Variants in UBR3 observed in about 807,000 individuals in gnomAD.
UBR3 encodes E3 ubiquitin-protein ligase UBR3.
UBR3 carries 85 observed loss-of-function variants against 243.2 expected under a neutral mutation model. That is an observed-to-expected ratio of 0.35 (90% CI 0.29 to 0.42). The LOEUF is 0.42. Among genes scored for constraint, UBR3 ranks in the 10% least tolerant of loss-of-function variants. The pLI is 1.00. For missense variants in UBR3, 1,686 were observed against 2,300.8 expected (o/e 0.73, Z 5.47); for synonymous variants, 748 against 799.8 (o/e 0.94, Z 1.09).
In UBR3 at chr2:170,008,272, G is replaced by A. The variant is rs545981447; in HGVS notation, c.4231-532G>A. On this transcript the variant is annotated intron_variant, in intron 28 of 38. Coordinates refer to ENST00000272793, the MANE Select transcript of UBR3 (RefSeq NM_172070.4). ...TTTATGTAGTAAATTTGTGAAAATT[G>A]TGAATATTTGACTTTTGAAACAGAA... 7.2e-5 allele frequency among the ~76,000 whole-genome samples: 11 copies of A among 152,286 alleles called. No individual in the cohort carries two copies. In the South Asian group the frequency reaches 2.3e-3, roughly 32 times the overall value.
At chr2:170,069,562 G>A (rs2091652576) in intron 35 of UBR3, among the ~76,000 whole-genome samples, 2 of 151,974 alleles carry the variant, frequency 1.3e-5, no homozygotes, top group South Asian at 4.1e-4. Flanking sequence ...TTATAACAGA[G>A]TTTGTACCCT....
Position 169,872,229 on chromosome 2 carries a change from AT to A in UBR3, c.546-5del, listed in dbSNP as rs756204191. On this transcript the variant is annotated splice_polypyrimidine_tract_variant and splice_region_variant and intron_variant, in intron 1 of 38. Coordinates refer to ENST00000272793, the MANE Select transcript of UBR3 (RefSeq NM_172070.4). ...TACTGTTAATTTTTTTCTTTTTCAT[AT>A]TACAGGTTTTGCAAAAGGCATCAAA... 6.7e-7 allele frequency: 1 copy of A among 1,503,626 alleles called. No individual in the cohort carries two copies. Among genetic ancestry groups the A allele is most frequent in the Non-Finnish European group, 8.9e-7 (1 of 1,124,702 alleles). 93.1% of individuals were successfully genotyped at this position (1,503,626 alleles called of 1,614,324 possible). A position where few individuals can be genotyped will look rare whatever the true frequency, so the allele number is the denominator to read the frequency against.
At chr2:169,971,250 G>A (rs9752315) in intron 24 of UBR3, among the ~76,000 whole-genome samples, 14,600 of 150,394 alleles carry the variant, frequency 0.097, 847 homozygotes, top group African/African-American at 0.16. Context: ...AGTAGGTTGC[G>A]AAAATTTTCT....
chr2:169,956,247 G>A (rs930799413), intron 23 of UBR3, among the ~76,000 whole-genome samples: 1 of 127,122 alleles, frequency 7.9e-6, no homozygotes, highest in Non-Finnish European at 1.6e-5. Flanking sequence ...TATCTATCTG[G>A]ATAGATATAT....
At chr2:169,972,027 A>G (rs1337218000) in intron 24 of UBR3, among the ~76,000 whole-genome samples, 1 of 152,192 alleles carries the variant, frequency 6.6e-6, no homozygotes, top group Non-Finnish European at 1.5e-5. Flanking sequence ...AGCAAGACTA[A>G]TAAAGAAGAA....
chr2:169,965,870 G>GT (rs1429200626), intron 24 of UBR3, among the ~76,000 whole-genome samples: 1 of 152,204 alleles, frequency 6.6e-6, no homozygotes, highest in East Asian at 1.9e-4. Context: ...TACTGTAGTT[G>GT]CTCCTTTTTA....
chr2:169,884,178 C>T (rs370327256), intron 5 of UBR3, among the ~76,000 whole-genome samples: 14 of 139,564 alleles, frequency 1.0e-4, no homozygotes, highest in African/African-American at 3.0e-4. Flanking sequence ...TTTTTTGAGA[C>T]GGAGTCTTGC....
chr2:169,895,223 A>G lies in UBR3; in HGVS notation c.1148A>G (p.Glu383Gly). 2 of 1,539,014 alleles carry G rather than the reference A, an allele frequency of 1.3e-6. No homozygotes were observed. Among genetic ancestry groups the G allele is most frequent in the Non-Finnish European group, 1.7e-6 (2 of 1,143,968 alleles). Residue 383 changes from glutamate to glycine, a missense_variant, in exon 7 of 39, where the codon GAA becomes GGA. Coordinates refer to ENST00000272793, the MANE Select transcript of UBR3 (RefSeq NM_172070.4). ...MDVLKHKSFL[E>G]ELLFWTIKYE... ...GTTTTGAAGCATAAAAGCTTCCTAG[A>G]AGAACTATTATTTTGGACTATAAAA... is the stretch of plus-strand genomic sequence containing the variant.
At chr2:169,845,347 T>G (rs536891903) in intron 1 of UBR3, among the ~76,000 whole-genome samples, 1 of 149,350 alleles carries the variant, frequency 6.7e-6, no homozygotes, top group African/African-American at 2.5e-5. Flanking sequence ...TACTTGAGTC[T>G]GGGATATAGA....
chr2:169,910,931 T>C (rs1007356207), intron 10 of UBR3, among the ~76,000 whole-genome samples: 7 of 152,172 alleles, frequency 4.6e-5, no homozygotes, highest in Non-Finnish European at 8.8e-5. Flanking sequence ...GGTTTAGAAG[T>C]ATAAACTAGA....
chr2:169,881,962 A>ATGTATG (rs1382738573), intron 5 of UBR3, among the ~76,000 whole-genome samples: 5 of 99,268 alleles, frequency 5.0e-5, no homozygotes, highest in African/African-American at 1.7e-4. Flanking sequence ...ATGTATACAT[A>ATGTATG]CATATGTAAT....
intron 24 of UBR3, among the ~76,000 whole-genome samples, chr2:169,978,575 T>C (rs2105382096): frequency 6.6e-6 from 1 of 152,170 alleles, no homozygotes; most frequent in South Asian, 2.1e-4. Flanking sequence ...GTAGCAGCCA[T>C]GTCCCTGGGG....
At chr2:170,011,626 CT>C (rs35877456) in intron 29 of UBR3, among the ~76,000 whole-genome samples, 42,314 of 122,966 alleles carry the variant, frequency 0.34, 5,080 homozygotes, top group African/African-American at 0.43. Flanking sequence ...TACAGCTTTT[CT>C]TTTTTTTTTT....
At position 169,994,359 on chromosome 2, in the gene UBR3, A is replaced by G; in HGVS notation, c.3821A>G (p.Lys1274Arg). Residue 1274 changes from lysine (K) to arginine (R), a missense_variant, in exon 26 of 39, where the codon AAG becomes AGG. Coordinates refer to ENST00000272793, the MANE Select transcript of UBR3 (RefSeq NM_172070.4). ...TGCCGTGACAATGTTGAGCCAAAAA[A>G]GTTGCCGATCAGTGAAGAGGAGCAG... The part of the protein sequence containing the change: ...GQCRDNVEPK[K>R]LPISEEEQIY... 3 of 1,614,168 alleles carry G rather than the reference A, an allele frequency of 1.9e-6. No individual in the cohort carries two copies. The highest frequency in any genetic ancestry group is 2.5e-6 in the Non-Finnish European group (3 of 1,180,030).
chr2:169,902,926 T>C (rs2084885664), intron 8 of UBR3, among the ~76,000 whole-genome samples: 1 of 152,182 alleles, frequency 6.6e-6, no homozygotes, highest in Non-Finnish European at 1.5e-5. Flanking sequence ...TTTCTTGAAT[T>C]GTAGTCTCGC....
intron 1 of UBR3, among the ~76,000 whole-genome samples, chr2:169,829,080 ACTT>A (rs896397119): frequency 3.3e-5 from 5 of 152,138 alleles, no homozygotes; most frequent in African/African-American, 1.2e-4. Context: ...CAGTTATTAA[ACTT>A]CTTCAATTTT....
At chr2:169,913,345 G>A (rs569540457) in intron 10 of UBR3, among the ~76,000 whole-genome samples, 1 of 137,420 alleles carries the variant, frequency 7.3e-6, no homozygotes, top group Non-Finnish European at 1.6e-5. Context: ...GTTTTTTTTT[G>A]TTTGTTTGTT....
At chr2:169,867,939 T>A (rs79892983) in intron 1 of UBR3, among the ~76,000 whole-genome samples, 1 of 152,192 alleles carries the variant, frequency 6.6e-6, no homozygotes, top group Non-Finnish European at 1.5e-5. Context: ...TTTTTCTTTT[T>A]AAGATTTTTA....
intron 17 of UBR3, among the ~76,000 whole-genome samples, chr2:169,927,919 C>T (rs569632783): frequency 6.6e-6 from 1 of 152,236 alleles, no homozygotes; most frequent in East Asian, 1.9e-4. Context: ...ACTGAACATA[C>T]AATGAGAATC....
Sources: allele counts gnomAD v4.1 joint callset (sites outside exome capture counted in the v4.1 genomes callset), GRCh38; gene constraint gnomAD v4.1.1; transcripts MANE v1.5; gene names NCBI Gene and HGNC (gene_info 2026-07-23, HGNC 2026-07-21).